The following THSD4 variants were observed in gnomAD, a reference collection of about 807,000 sequenced individuals.
The protein encoded by THSD4 is thrombospondin type-1 domain-containing protein 4.
In THSD4, 69 loss-of-function variants were observed where a neutral mutation model predicts 119.0. The observed-to-expected ratio is 0.58, with a 90% CI of 0.48 to 0.71. The LOEUF is 0.71. THSD4 is among the 30% of genes least tolerant of loss of function. The pLI is 0.00. For missense variants in THSD4, 1,393 were observed against 1,391.1 expected, an observed-to-expected ratio of 1.00 and a Z score of -0.02; for synonymous variants, 524 against 540.4, an observed-to-expected ratio of 0.97 and a Z score of 0.42.
intron 7 of THSD4, among the ~76,000 whole-genome samples, chr15:71,565,223 C>T (rs2049210913): frequency 6.6e-6 from 1 of 152,220 alleles, no homozygotes; most frequent in Non-Finnish European, 1.5e-5. Context: ...AAGTCCTGGG[C>T]ACACCCTAGA....
intron 1 of THSD4, among the ~76,000 whole-genome samples, chr15:71,139,511 A>C (rs2040581784): frequency 1.3e-5 from 2 of 152,158 alleles, no homozygotes; most frequent in Non-Finnish European, 2.9e-5. Context: ...TTCCTGGTGG[A>C]TCTCAGTGTA....
chr15:71,659,920 T>C (rs898536677), intron 7 of THSD4, among the ~76,000 whole-genome samples: 4 of 152,146 alleles, frequency 2.6e-5, no homozygotes, highest in African/African-American at 7.2e-5. Context: ...TGATCTCGTT[T>C]GTTGATGATT....
chr15:71,435,730 A>T (rs2047004654), intron 7 of THSD4, among the ~76,000 whole-genome samples: 1 of 152,180 alleles, frequency 6.6e-6, no homozygotes, highest in Admixed American at 6.5e-5. Flanking sequence ...CTATGAGCAC[A>T]TGGACACGTG....
intron 8 of THSD4, among the ~76,000 whole-genome samples, chr15:71,703,138 CT>C (rs1326279054): frequency 6.6e-6 from 1 of 152,112 alleles, no homozygotes; most frequent in Non-Finnish European, 1.5e-5. Flanking sequence ...CCATGCCCAG[CT>C]AATTTTTCTA....
intron 7 of THSD4, among the ~76,000 whole-genome samples, chr15:71,604,967 A>G (rs2050081707): frequency 6.6e-6 from 1 of 152,156 alleles, no homozygotes; most frequent in Non-Finnish European, 1.5e-5. Flanking sequence ...CTCAGTTTTA[A>G]GTAGAATGGT....
intron 6 of THSD4, among the ~76,000 whole-genome samples, chr15:71,282,802 T>A (rs917031427): frequency 1.3e-5 from 2 of 152,158 alleles, no homozygotes; most frequent in Admixed American, 6.5e-5. Context: ...GATTTCTTCC[T>A]TATTCAACTT....
At chr15:71,483,007 G>A (rs1339138176) in intron 7 of THSD4, among the ~76,000 whole-genome samples, 1 of 152,154 alleles carries the variant, frequency 6.6e-6, no homozygotes, top group Non-Finnish European at 1.5e-5. Flanking sequence ...AGCTATGAAG[G>A]AGACTAGGAA....
At chr15:71,669,600 C>G (rs564978481) in intron 8 of THSD4, among the ~76,000 whole-genome samples, 1 of 151,976 alleles carries the variant, frequency 6.6e-6, no homozygotes, top group Non-Finnish European at 1.5e-5. Flanking sequence ...AAAACTTGCC[C>G]GTTTTGTTTA....
intron 7 of THSD4, among the ~76,000 whole-genome samples, chr15:71,427,184 A>G (rs1029595887): frequency 6.6e-6 from 1 of 151,244 alleles, no homozygotes; most frequent in Non-Finnish European, 1.5e-5. Context: ...ATAATTATTA[A>G]TCAACCTAAA....
At chr15:71,534,235 C>A (rs1364717871) in intron 7 of THSD4, among the ~76,000 whole-genome samples, 1 of 152,236 alleles carries the variant, frequency 6.6e-6, no homozygotes, top group East Asian at 1.9e-4. Context: ...TAGGCATGAG[C>A]CACAGTGCCT....
At chr15:71,358,736 A>G (rs2045855203) in intron 6 of THSD4, among the ~76,000 whole-genome samples, 1 of 152,210 alleles carries the variant, frequency 6.6e-6, no homozygotes, top group South Asian at 2.1e-4. Context: ...TAACATCATC[A>G]GCACCGCTGT....
At chr15:71,573,161 A>G (rs2049390326) in intron 7 of THSD4, among the ~76,000 whole-genome samples, 1 of 152,162 alleles carries the variant, frequency 6.6e-6, no homozygotes, top group South Asian at 2.1e-4. Context: ...TGGGTGAGGA[A>G]TCCGAGCCTC....
At chr15:71,733,950 A>AGTT (rs2053031768) in intron 10 of THSD4, 3 of 75,370 alleles carry the variant, frequency 4.0e-5, no homozygotes, top group Non-Finnish European at 1.1e-4. Flanking sequence ...AGAAAGCCCT[A>AGTT]ATTGTTGTTG....
At chr15:71,414,071 G>T (rs930759348) in intron 7 of THSD4, among the ~76,000 whole-genome samples, 1 of 152,178 alleles carries the variant, frequency 6.6e-6, no homozygotes, top group African/African-American at 2.4e-5. Flanking sequence ...CTCCGAAGTC[G>T]GATTGCCTGG....
chr15:71,281,810 AT>A (rs961454881), intron 6 of THSD4, among the ~76,000 whole-genome samples: 42 of 152,332 alleles, frequency 2.8e-4, no homozygotes, highest in African/African-American at 9.4e-4. Context: ...GTTTTTTACC[AT>A]GAGGAATTTT....
chr15:71,124,638 T>C (rs1259424407), intron 1 of THSD4, among the ~76,000 whole-genome samples: 1 of 152,212 alleles, frequency 6.6e-6, no homozygotes, highest in African/African-American at 2.4e-5. Context: ...AATTTTAAAT[T>C]ATTTAGGTAG....
At chr15:71,313,031 C>T (rs527758515) in intron 6 of THSD4, among the ~76,000 whole-genome samples, 15 of 152,244 alleles carry the variant, frequency 9.9e-5, no homozygotes, top group Middle Eastern at 3.4e-3. Context: ...TGGCATATAA[C>T]GGCACTTAAT....
chr15:71,694,656 T>C (rs2052124559), intron 8 of THSD4, among the ~76,000 whole-genome samples: 1 of 152,222 alleles, frequency 6.6e-6, no homozygotes, highest in South Asian at 2.1e-4. Context: ...AATCCAGCGA[T>C]TGCTGCCCAT....
intron 6 of THSD4, among the ~76,000 whole-genome samples, chr15:71,287,170 C>A (rs111227803): frequency 6.6e-6 from 1 of 151,994 alleles, no homozygotes; most frequent in Non-Finnish European, 1.5e-5. Flanking sequence ...AAGATATGCC[C>A]GACAAAATGA....
Sources: gnomAD v4.1 joint callset for allele counts (sites outside exome capture counted in the v4.1 genomes callset) on GRCh38, gnomAD v4.1.1 for gene constraint, MANE v1.5 for transcripts, NCBI Gene and HGNC (gene_info 2026-07-23, HGNC 2026-07-21) for gene names.